Variants in TCF4 observed in about 807,000 individuals in gnomAD.
TCF4 encodes SL3-3 enhancer factor 2.
Under a neutral mutation model 82.1 loss-of-function variants are expected in TCF4, and 3 were observed. The ratio of observed to expected loss-of-function variants is 0.04; its 90% CI spans 0.02 to 0.09. TCF4 has a LOEUF of 0.09. Among genes scored for constraint, TCF4 ranks in the 10% least tolerant of loss-of-function variants. The pLI, the probability that TCF4 is intolerant of heterozygous loss-of-function variation, is 1.00. For missense variants in TCF4, 518 were observed against 852.7 expected (o/e 0.61, Z 4.89); for synonymous variants, 276 against 309.6 (o/e 0.89, Z 1.14).
chr18:55,339,519 G>C (rs1048159009), intron 8 of TCF4, among the ~76,000 whole-genome samples: 3 of 152,174 alleles, frequency 2.0e-5, no homozygotes, highest in Admixed American at 6.6e-5. Flanking sequence ...TGAAGCATCA[G>C]TCCCTGTTCA....
At chr18:55,435,094 T>C (rs1008558469) in intron 5 of TCF4, among the ~76,000 whole-genome samples, 1 of 152,194 alleles carries the variant, frequency 6.6e-6, no homozygotes, top group African/African-American at 2.4e-5. Flanking sequence ...AAATAAACCT[T>C]CTACTCTTAA....
At chr18:55,590,710 T>G (rs2147923379), upstream of TCF4, among the ~76,000 whole-genome samples, 1 of 152,350 alleles carries the variant, frequency 6.6e-6, no homozygotes, top group Middle Eastern at 3.4e-3. Flanking sequence ...TAGCTTTTAG[T>G]CTTTGCAACA....
At chr18:55,256,124 A>G (rs902335306) in intron 14 of TCF4, among the ~76,000 whole-genome samples, 1 of 152,210 alleles carries the variant, frequency 6.6e-6, no homozygotes, top group African/African-American at 2.4e-5. Flanking sequence ...GTGTAAATGT[A>G]TGCAGGAAAA....
At chr18:55,609,965 G>A (rs919223409) in intron 2 of TCF4, among the ~76,000 whole-genome samples, 1 of 151,544 alleles carries the variant, frequency 6.6e-6, no homozygotes, top group Non-Finnish European at 1.5e-5. Context: ...AGTACCATAT[G>A]TTTTACTTAT....
rs189449376 is a variant in TCF4 at position 55,325,730 on chromosome 18, A to C, written c.549+24629T>G. On this transcript the variant is annotated intron_variant, in intron 8 of 19. Coordinates refer to ENST00000354452, the MANE Select transcript of TCF4 (RefSeq NM_001083962.2). Reference sequence around the variant, plus strand: ...TGTTGTTGTTGTCTTTCTTTTTTTCAGTATAAGACATTGCTTATTTCTACA... The same window carrying C: ...TGTTGTTGTTGTCTTTCTTTTTTTCCGTATAAGACATTGCTTATTTCTACA... Among the ~76,000 whole-genome samples, 30 of 152,272 alleles carry C rather than the reference A, an allele frequency of 2.0e-4. No homozygotes were observed. The East Asian group carries it at 4.6e-3, about 23-fold the overall frequency.
chr18:55,557,706 T>C (rs921079349), intron 3 of TCF4, among the ~76,000 whole-genome samples: 2 of 152,186 alleles, frequency 1.3e-5, no homozygotes, highest in Non-Finnish European at 2.9e-5. Context: ...GGAAGTCTCA[T>C]CCCCATCACA....
At chr18:55,458,229 T>A (rs1419643640) in intron 5 of TCF4, among the ~76,000 whole-genome samples, 2 of 152,214 alleles carry the variant, frequency 1.3e-5, no homozygotes, top group Non-Finnish European at 2.9e-5. Context: ...ATGCTATAGC[T>A]TTTACCCTGA....
chr18:55,358,848 A>C (rs10164195), intron 6 of TCF4, among the ~76,000 whole-genome samples: 8,439 of 152,098 alleles, frequency 0.055, 376 homozygotes, highest in African/African-American at 0.12. Flanking sequence ...GGTGGGCAAA[A>C]CTCCTTGCCT....
At chr18:55,634,011 G>A (rs1461870951) in intron 1 of TCF4, among the ~76,000 whole-genome samples, 2 of 152,212 alleles carry the variant, frequency 1.3e-5, no homozygotes, top group African/African-American at 4.8e-5. Flanking sequence ...GCTCACACCT[G>A]TAATCCCAGA....
At chr18:55,274,719 T>C (rs1335809826) in intron 10 of TCF4, among the ~76,000 whole-genome samples, 2 of 152,170 alleles carry the variant, frequency 1.3e-5, no homozygotes, top group Non-Finnish European at 2.9e-5. Flanking sequence ...GGATGTGAGG[T>C]CCACATATTG....
At chr18:55,506,663 T>C (rs988683735) in intron 3 of TCF4, among the ~76,000 whole-genome samples, 2 of 152,116 alleles carry the variant, frequency 1.3e-5, no homozygotes, top group Non-Finnish European at 2.9e-5. Flanking sequence ...AAGAGAGGGA[T>C]AGGTTTTAAG....
intron 3 of TCF4, among the ~76,000 whole-genome samples, chr18:55,565,606 A>C (rs1568413322): frequency 1.3e-5 from 2 of 152,174 alleles, no homozygotes; most frequent in East Asian, 3.9e-4. Context: ...CACAAAAGCA[A>C]AACAAAGAAG....
At chr18:55,321,975 C>T (rs1194148043) in intron 8 of TCF4, 4 of 1,301,892 alleles carry the variant, frequency 3.1e-6, no homozygotes, top group Non-Finnish European at 3.9e-6. Flanking sequence ...TGATGGAGCT[C>T]GAAATCCTAA....
Position 55,557,249 on chromosome 18 carries a change from AC to A in TCF4, c.145+28030del, listed in dbSNP as rs536292685. Among the ~76,000 whole-genome samples the A allele has an allele frequency of 3.7e-4, 53 of 143,130 alleles. No homozygotes were observed. The South Asian group carries it at 0.011, about 30-fold the overall frequency. 93.9% of individuals were successfully genotyped at this position (143,130 alleles called of 152,430 possible). A position where few individuals can be genotyped will look rare whatever the true frequency, so the allele number is the denominator to read the frequency against. On this transcript the variant is annotated intron_variant, in intron 3 of 19. Transcript: ENST00000354452. ...CCCATAAACTAATGCAAACACACAG[AC>A]ACACAGACACACAGACACAGACACA...
At chr18:55,302,168 C>G (rs962324611) in intron 8 of TCF4, among the ~76,000 whole-genome samples, 1 of 152,296 alleles carries the variant, frequency 6.6e-6, no homozygotes, top group East Asian at 1.9e-4. Flanking sequence ...CCCTCGGCCA[C>G]GAGGCAATCC....
chr18:55,403,308 A>T, intron 6 of TCF4, 146 bp downstream of exon 6: 1 of 897,850 alleles, frequency 1.1e-6, no homozygotes, highest in Non-Finnish European at 1.9e-6. Flanking sequence ...GCTCTGTGTT[A>T]TTTCATTACT....
chr18:55,622,028 ATATT>A (rs2147988317), intron 2 of TCF4, among the ~76,000 whole-genome samples: 1 of 135,436 alleles, frequency 7.4e-6, no homozygotes, highest in African/African-American at 2.8e-5. Context: ...TATACACTAT[ATATT>A]ATATATACAC....
intron 3 of TCF4, among the ~76,000 whole-genome samples, chr18:55,554,097 T>C (rs563502854): frequency 1.6e-4 from 24 of 152,268 alleles, no homozygotes; most frequent in African/African-American, 5.3e-4. Flanking sequence ...ACAGATTTAA[T>C]GACTAAAAGA....
intron 3 of TCF4, among the ~76,000 whole-genome samples, chr18:55,484,100 CT>C (rs1318097215): frequency 6.6e-6 from 1 of 152,172 alleles, no homozygotes; most frequent in Admixed American, 6.5e-5. Flanking sequence ...CAAACTGCCT[CT>C]TACCTATTTT....
Sources: gnomAD v4.1 joint callset for allele counts (sites outside exome capture counted in the v4.1 genomes callset) on GRCh38, gnomAD v4.1.1 for gene constraint, MANE v1.5 for transcripts, NCBI Gene and HGNC (gene_info 2026-07-23, HGNC 2026-07-21) for gene names.